The following PRELID2 variants were observed in gnomAD, a reference collection of about 807,000 sequenced individuals.
PRELID2 encodes the protein PRELI domain containing 2.
PRELID2 carries 25 observed loss-of-function variants against 28.4 expected under a neutral mutation model. The observed-to-expected ratio is 0.88, with a 90% CI of 0.64 to 1.23. PRELID2 has a LOEUF of 1.23. PRELID2 is among the 50% of genes most tolerant of loss of function. The pLI is 0.00. For missense variants in PRELID2, 201 were observed against 214.4 expected, an observed-to-expected ratio of 0.94 and a Z score of 0.39; for synonymous variants, 76 against 71.6, an observed-to-expected ratio of 1.06 and a Z score of -0.31.
chr5:145,419,551 T>C, the PRELID2 span, among the ~76,000 whole-genome samples: 7 of 134,292 alleles, frequency 5.2e-5, no homozygotes, highest in African/African-American at 1.9e-4. Flanking sequence ...TCTGTTCATG[T>C]CCTTCGCCCA....
chr5:145,622,905 C>G (rs1753791316), intron 1 of PRELID2, among the ~76,000 whole-genome samples: 1 of 151,756 alleles, frequency 6.6e-6, no homozygotes, highest in Non-Finnish European at 1.5e-5. Context: ...AACAAAGTGG[C>G]TAGATATAAG....
chr5:145,771,509 G>A (rs1281274895), intron 5 of PRELID2, among the ~76,000 whole-genome samples: 2 of 151,894 alleles, frequency 1.3e-5, no homozygotes, highest in South Asian at 4.1e-4. Flanking sequence ...CCAGTCGTAA[G>A]TGTGACACAC....
chr5:145,379,590 A>G, the PRELID2 span, among the ~76,000 whole-genome samples: 23 of 152,124 alleles, frequency 1.5e-4, no homozygotes, highest in Non-Finnish European at 2.6e-4. Flanking sequence ...GGTGGCAGAG[A>G]TGGCTGGCTC....
intron 5 of PRELID2, among the ~76,000 whole-genome samples, chr5:145,766,218 G>A (rs934554497): frequency 6.6e-6 from 1 of 152,152 alleles, no homozygotes; most frequent in Admixed American, 6.5e-5. Context: ...AGAGATCTGA[G>A]CCTGAGAATT....
chr5:145,663,745 C>T (rs1754537522), intron 1 of PRELID2, among the ~76,000 whole-genome samples: 1 of 152,078 alleles, frequency 6.6e-6, no homozygotes, highest in Admixed American at 6.6e-5. Context: ...GTCTGGGAGA[C>T]CTTGGGCCAG....
intron 1 of PRELID2, among the ~76,000 whole-genome samples, chr5:145,668,400 G>A (rs966703926): frequency 6.6e-6 from 1 of 151,362 alleles, no homozygotes; most frequent in South Asian, 2.1e-4. Context: ...CAGTCTAGGG[G>A]TACATTTGCA....
the PRELID2 span, among the ~76,000 whole-genome samples, chr5:145,273,048 G>C: frequency 1.3e-5 from 2 of 152,080 alleles, no homozygotes; most frequent in East Asian, 3.9e-4. Flanking sequence ...CAGGGATCTT[G>C]ATCGCCATGC....
chr5:145,769,701 G>A (rs559276396), intron 5 of PRELID2, among the ~76,000 whole-genome samples: 1 of 152,252 alleles, frequency 6.6e-6, no homozygotes, highest in South Asian at 2.1e-4. Context: ...TGGAAATAAC[G>A]CTTTCTTGTG....
At chr5:145,287,877 T>G in the PRELID2 span, among the ~76,000 whole-genome samples, 1 of 152,296 alleles carries the variant, frequency 6.6e-6, no homozygotes, top group African/African-American at 2.4e-5. Context: ...CTGTACCTAT[T>G]TCTCAGACTT....
At chr5:145,332,888 C>T in the PRELID2 span, among the ~76,000 whole-genome samples, 1 of 152,112 alleles carries the variant, frequency 6.6e-6, no homozygotes, top group Non-Finnish European at 1.5e-5. Context: ...ACTGGCTTAT[C>T]CTCATCTTCA....
At chr5:145,655,524 A>G (rs2149673936) in intron 1 of PRELID2, among the ~76,000 whole-genome samples, 1 of 152,312 alleles carries the variant, frequency 6.6e-6, no homozygotes, top group Admixed American at 6.5e-5. Context: ...AGTAACCAAA[A>G]CAGCACGGTA....
At chr5:145,431,559 T>C in the PRELID2 span, among the ~76,000 whole-genome samples, 4 of 152,156 alleles carry the variant, frequency 2.6e-5, no homozygotes, top group Non-Finnish European at 5.9e-5. Context: ...AAGGGACAAA[T>C]CATGCACCAC....
chr5:145,257,118 A>G, the PRELID2 span, among the ~76,000 whole-genome samples: 1 of 151,950 alleles, frequency 6.6e-6, no homozygotes, highest in Non-Finnish European at 1.5e-5. Flanking sequence ...AATGTACTAT[A>G]TAATTTTTAA....
the PRELID2 span, chr5:145,338,005 T>C: frequency 1.3e-5 from 2 of 152,138 alleles, no homozygotes; most frequent in African/African-American, 4.8e-5. Context: ...GGAAATAAAA[T>C]GTGATTTATT....
intron 1 of PRELID2, among the ~76,000 whole-genome samples, chr5:145,625,923 A>G (rs1402111351): frequency 6.6e-6 from 1 of 152,198 alleles, no homozygotes; most frequent in Non-Finnish European, 1.5e-5. Flanking sequence ...AAAAATATAC[A>G]CTGGGGAAAG....
intron 1 of PRELID2, among the ~76,000 whole-genome samples, chr5:145,576,831 TA>T (rs1753064892): frequency 6.6e-6 from 1 of 152,150 alleles, no homozygotes; most frequent in Non-Finnish European, 1.5e-5. Flanking sequence ...TCACTACAAA[TA>T]AAATAGTAAT....
chr5:145,346,669 A>G, the PRELID2 span, among the ~76,000 whole-genome samples: 1 of 152,118 alleles, frequency 6.6e-6, no homozygotes, highest in Non-Finnish European at 1.5e-5. Context: ...TGTCAGAGTA[A>G]ATTATTGACA....
the PRELID2 span, among the ~76,000 whole-genome samples, chr5:145,249,174 T>G: frequency 6.6e-6 from 1 of 152,160 alleles, no homozygotes; most frequent in Non-Finnish European, 1.5e-5. Flanking sequence ...CTTAGAATTC[T>G]CATGTCTTTG....
At chr5:145,555,582 C>T (rs560404624) in intron 1 of PRELID2, among the ~76,000 whole-genome samples, 5 of 152,320 alleles carry the variant, frequency 3.3e-5, no homozygotes, top group African/African-American at 1.2e-4. Context: ...AGGAATACAA[C>T]TGGACAGCTG....
Sources: allele counts gnomAD v4.1 joint callset (sites outside exome capture counted in the v4.1 genomes callset), GRCh38; gene constraint gnomAD v4.1.1; transcripts MANE v1.5; gene names NCBI Gene and HGNC (gene_info 2026-07-23, HGNC 2026-07-21).